GDPD2: variants seen among roughly 807,000 people sequenced by gnomAD.
The protein encoded by GDPD2 is glycerophosphodiester phosphodiesterase domain containing 2.
A neutral mutation model predicts 49.2 loss-of-function variants in GDPD2; 23 were observed. That is an observed-to-expected ratio of 0.47 (90% CI 0.34 to 0.66). The LOEUF (loss-of-function observed/expected upper bound fraction) is 0.66, where lower values mean the gene tolerates loss of function less well. GDPD2 is among the 30% of genes least tolerant of loss of function. The pLI is 0.01. For missense variants in GDPD2, 338 were observed against 424.7 expected, an observed-to-expected ratio of 0.80 and a Z score of 1.79; for synonymous variants, 167 against 171.4, an observed-to-expected ratio of 0.97 and a Z score of 0.20.
At chrX:70,432,851 G>A in intron 14 of GDPD2, 61 bp from the exon 15 acceptor site, 2 of 947,258 alleles carry the variant, frequency 2.1e-6, no homozygotes, top group South Asian at 4.0e-5. Context: ...GCAGGTGTGG[G>A]GGCTGGAAGG....
In GDPD2 at chrX:70,426,858, C is replaced by G. The variant is rs751067896; in HGVS notation, c.557-8C>G. The stretch of plus-strand genomic sequence containing the variant: ...CATTCTTGAAAGCCTGTCCCCCACT[C>G]CCCACAGGTCCCAAGATTCTGCTAC... On this transcript the variant is annotated splice_polypyrimidine_tract_variant and splice_region_variant and intron_variant, in intron 7 of 15. Transcript: ENST00000374382. The G allele has an allele frequency of 4.1e-6, 5 of 1,207,701 alleles. No individual in the cohort carries two copies. The African/African-American group carries it at 7.0e-5, about 17-fold the overall frequency.
At position 70,429,988 on chromosome X, in the gene GDPD2, G is replaced by A. The variant is rs1165019052; in HGVS notation, c.1232G>A (p.Arg411His). 1 of 1,209,236 alleles carries A rather than the reference G, an allele frequency of 8.3e-7. No individual in the cohort carries two copies. Among genetic ancestry groups the A allele is most frequent in the Non-Finnish European group, 1.1e-6 (1 of 893,074 alleles). The change falls in exon 12 of 16, where the codon CGT (arginine) becomes CAT (histidine). Residue 411 changes from arginine to histidine, a missense_variant. This residue lies in a region of GDPD2 where 253 missense variants were observed against 330.4 expected (regional missense o/e 0.77). Coordinates refer to ENST00000374382, the MANE Select transcript of GDPD2 (RefSeq NM_017711.4). ...RAPGMRQIYG[R>H]QGGNRTERPQ... ...CCTGGAATGCGCCAGATATATGGAC[G>A]TCAGGGAGGCAACAGAACGGAGAGG... is the stretch of plus-strand genomic sequence containing the variant.
Position 70,433,100 on chromosome X carries a change from C to T in GDPD2, c.*14C>T. On this transcript the variant is annotated 3_prime_UTR_variant, in exon 16 of 16. Coordinates refer to ENST00000374382, the MANE Select transcript of GDPD2 (RefSeq NM_017711.4). ...ATGATGGAGTGAATGCCCTGCCCTG[C>T]TTCCCCACCCAAGCCAGTCTACATT... 1 of 1,161,632 alleles carries T rather than the reference C, an allele frequency of 8.6e-7. No homozygotes were observed. The highest frequency in any genetic ancestry group is 1.2e-6 in the Non-Finnish European group (1 of 852,387).
At chrX:70,426,162 TTGGC>T (rs907308932) in intron 5 of GDPD2, 51 bp downstream of exon 5, 2 of 1,045,896 alleles carry the variant, frequency 1.9e-6, no homozygotes, top group Admixed American at 2.2e-5. Flanking sequence ...GGCTCAGCAC[TTGGC>T]TGGCTATTTG....
rs758023955 is a variant in GDPD2 at position 70,425,277 on chromosome X, C to T, written c.106-77C>T. On this transcript the variant is annotated intron_variant, in intron 2 of 15. Transcript: ENST00000374382. ...CAGCCCAACACGGGGCAGGCAGCTC[C>T]CTTTAGCTGCCACCCGTTGGGGACT... The T allele has an allele frequency of 1.7e-5, 13 of 746,613 alleles. No homozygotes were observed. In the African/African-American group the frequency reaches 2.5e-4, roughly 14 times the overall value. The allele number at this position is 746,613 out of a possible 1,213,427, so 61.5% of individuals were successfully genotyped here. A position where few individuals can be genotyped will look rare whatever the true frequency, so the allele number is the denominator to read the frequency against.
At chrX:70,424,619 A>AC (rs1375624082) in intron 1 of GDPD2, among the ~76,000 whole-genome samples, 1 of 111,856 alleles carries the variant, frequency 8.9e-6, no homozygotes, top group East Asian at 2.8e-4. Flanking sequence ...TTGAGTTCTT[A>AC]CCCCCAGGGC....
In GDPD2 at chrX:70,429,957, C is replaced by A; in HGVS notation, c.1201C>A (p.Arg401=). 2.5e-6 allele frequency: 3 copies of A among 1,210,356 alleles called. No homozygotes were observed. The highest frequency in any genetic ancestry group is 3.4e-6 in the Non-Finnish European group (3 of 894,109). The change falls in exon 12 of 16, where the codon CGG becomes AGG. Residue 401 remains arginine (R), a synonymous_variant. Transcript: ENST00000374382. ...TGAAGATCGGGCTAATGTCCAACGA[C>A]GGGCACCTGGAATGCGCCAGATATA... The part of the protein sequence containing the change: ...PDEDRANVQR[R]APGMRQIYGR...
Position 70,426,726 on chromosome X carries a change from C to A in GDPD2, c.541C>A (p.Arg181Ser), listed in dbSNP as rs755375130. 1 of 1,203,342 alleles carries A rather than the reference C, an allele frequency of 8.3e-7. No individual in the cohort carries two copies. The highest frequency in any genetic ancestry group is 1.1e-6 in the Non-Finnish European group (1 of 888,059). The change falls in exon 7 of 16, where the codon CGT becomes AGT. Residue 181 changes from arginine to serine, a missense_variant. Arg to Ser is a moderately radical substitution (Grantham distance 110, BLOSUM62 -1). This residue lies in a region of GDPD2 where 253 missense variants were observed against 330.4 expected (regional missense o/e 0.77). Transcript: ENST00000374382. ...LAWPVADTFY[R>S]IHRRGPKILL... The stretch of plus-strand genomic sequence containing the variant: ...CTGGCCTGTGGCTGATACCTTCTAC[C>A]GTATCCACCGAAGAGGTGCCAACGC...
At chrX:70,425,167 C>A in intron 2 of GDPD2, 78 bp downstream of exon 2, 1 of 742,493 alleles carries the variant, frequency 1.3e-6, no homozygotes, top group Non-Finnish European at 2.0e-6. Flanking sequence ...GCCAATTGTG[C>A]TCATAGACAG....
In GDPD2 at chrX:70,429,996, G is replaced by A. The variant is rs2086461236; in HGVS notation, c.1240G>A (p.Gly414Ser). Residue 414 changes from glycine to serine, a missense_variant, in exon 12 of 16, where the codon GGC becomes AGC. Gly to Ser is a moderately conservative substitution (Grantham distance 56). Coordinates refer to ENST00000374382, the MANE Select transcript of GDPD2 (RefSeq NM_017711.4). Reference sequence around the variant, plus strand: ...GCGCCAGATATATGGACGTCAGGGAGGCAACAGAACGGAGAGGCCCCAGTT... The same window carrying A: ...GCGCCAGATATATGGACGTCAGGGAAGCAACAGAACGGAGAGGCCCCAGTT... ...GMRQIYGRQG[G>S]NRTERPQFLN... 1 of 1,210,188 alleles carries A rather than the reference G, an allele frequency of 8.3e-7. No individual in the cohort carries two copies. The highest frequency in any genetic ancestry group is 1.1e-6 in the Non-Finnish European group (1 of 893,967).
rs756300394 is a variant in GDPD2 at position 70,430,781 on chromosome X, CT to C, written c.1307+725del. Among the ~76,000 whole-genome samples, 864 of 110,178 alleles carry C rather than the reference CT, an allele frequency of 7.8e-3. 9 individuals are homozygous for C. The highest frequency in any genetic ancestry group is 0.027 in the African/African-American group (803 of 29,931). Reference sequence around the variant, plus strand: ...GATAGCCCAGTTATCATACATATTTCTTTTTTTAATTTGAATTTTAATTAAA... The same window carrying C: ...GATAGCCCAGTTATCATACATATTTCTTTTTTAATTTGAATTTTAATTAAA... On this transcript the variant is annotated intron_variant, in intron 12 of 15. Transcript: ENST00000374382.
Position 70,423,322 on chromosome X carries a change from C to T in GDPD2, c.-70C>T, listed in dbSNP as rs968484056. The T allele has an allele frequency of 1.8e-5, 2 of 112,258 alleles. No homozygotes were observed. The highest frequency in any genetic ancestry group is 3.2e-5 in the African/African-American group (1 of 30,804). The allele number at this position is 112,258 out of a possible 1,213,427, so 9.3% of individuals were successfully genotyped here. ...TGAAAAAGGGAGGAGGCAGACCACTCGGAGAGGAGCTGGGAAGCAGTGCAG... is the reference window on the plus strand; with the variant it reads ...TGAAAAAGGGAGGAGGCAGACCACTTGGAGAGGAGCTGGGAAGCAGTGCAG... On this transcript the variant is annotated 5_prime_UTR_variant, in exon 1 of 16. Coordinates refer to ENST00000374382, the MANE Select transcript of GDPD2 (RefSeq NM_017711.4).
At chrX:70,426,601 G>A (rs2086426689) in intron 6 of GDPD2, 47 bp from the exon 7 acceptor site, 1 of 1,081,713 alleles carries the variant, frequency 9.2e-7, no homozygotes, top group Admixed American at 2.3e-5. Flanking sequence ...GAGGAAAGCG[G>A]GGAGGGGCAC....
At chrX:70,426,010 C>T (rs1175021952) in intron 4 of GDPD2, 42 bp from the exon 5 acceptor site, 1 of 1,133,372 alleles carries the variant, frequency 8.8e-7, no homozygotes, top group Admixed American at 2.2e-5. Context: ...AACCTTGCTC[C>T]CCTCTTGGCA....
intron 12 of GDPD2, among the ~76,000 whole-genome samples, chrX:70,431,296 A>C (rs189824764): frequency 8.9e-6 from 1 of 112,476 alleles, no homozygotes; most frequent in East Asian, 2.8e-4. Flanking sequence ...GAGGCCCTGA[A>C]AGGTCTAGGT....
intron 14 of GDPD2, 49 bp from the exon 15 acceptor site, chrX:70,432,863 C>T (rs749311114): frequency 9.5e-6 from 10 of 1,049,013 alleles, no homozygotes; most frequent in Middle Eastern, 2.5e-4. Context: ...GCTGGAAGGG[C>T]CTGCTTGAAG....
intron 4 of GDPD2, 39 bp downstream of exon 4, chrX:70,425,895 T>G: frequency 1.1e-6 from 1 of 939,925 alleles, no homozygotes; most frequent in South Asian, 1.9e-5. Flanking sequence ...CACCTCAGCC[T>G]TCCTTCCTGC....
chrX:70,433,001 C>T (rs1434318900), intron 15 of GDPD2, 33 bp from the exon 16 acceptor site: 1 of 1,173,935 alleles, frequency 8.5e-7, no homozygotes, highest in Admixed American at 2.2e-5. Flanking sequence ...TTGCTTAACT[C>T]CCTAGATGAC....
At position 70,425,022 on chromosome X, in the gene GDPD2, G is replaced by T; in HGVS notation, c.38G>T (p.Arg13Leu). ...CCCGGCTGCTGCTCCGTCTGGGCCC[G>T]CTGCCTCCACTGCCTGTATAGCTGC... ...ESPGCCSVWA[R>L]CLHCLYSCHW... The change falls in exon 2 of 16, where the codon CGC (arginine) becomes CTC (leucine). Residue 13 changes from arginine to leucine, a missense_variant. Arg to Leu is a moderately radical substitution (Grantham distance 102). This residue lies in a region of GDPD2 where 75 missense variants were observed against 67.6 expected (regional missense o/e 1.11). Transcript: ENST00000374382. 8.3e-7 allele frequency: 1 copy of T among 1,199,694 alleles called. No homozygotes were observed. Among genetic ancestry groups the T allele is most frequent in the Non-Finnish European group, 1.1e-6 (1 of 889,175 alleles).
Sources: allele counts gnomAD v4.1 joint callset (sites outside exome capture counted in the v4.1 genomes callset), GRCh38; gene constraint gnomAD v4.1.1; regional missense constraint gnomAD v4.1.1; transcripts MANE v1.5; gene names NCBI Gene and HGNC (gene_info 2026-07-23, HGNC 2026-07-21).